Variants in GALNT7 observed in about 807,000 individuals in gnomAD.
GALNT7 encodes the protein polypeptide N-acetylgalactosaminyltransferase 7, also known as N-acetylgalactosaminyltransferase 7.
In GALNT7, 60 loss-of-function variants were observed where a neutral mutation model predicts 82.1. That is an observed-to-expected ratio of 0.73 (90% CI 0.59 to 0.91). The LOEUF is 0.91. Among genes scored for constraint, GALNT7 ranks in the 40% least tolerant of loss-of-function variants. The probability of loss-of-function intolerance (pLI) is 0.00; values close to 1 mark genes in which losing one functional copy is unlikely to be tolerated. For missense variants in GALNT7, 660 were observed against 804.2 expected (o/e 0.82, Z 2.17); for synonymous variants, 243 against 275.1 (o/e 0.88, Z 1.15).
intron 1 of GALNT7, among the ~76,000 whole-genome samples, chr4:173,205,860 G>A (rs1281555408): frequency 6.6e-6 from 1 of 152,008 alleles, no homozygotes; most frequent in African/African-American, 2.4e-5. Flanking sequence ...TTGGTAGCTT[G>A]GGTGGGCATG....
intron 1 of GALNT7, among the ~76,000 whole-genome samples, chr4:173,206,817 T>C (rs1733114346): frequency 6.6e-6 from 1 of 152,160 alleles, no homozygotes. Flanking sequence ...AAAGTATTTT[T>C]CCCACTGGAG....
chr4:173,273,732 C>T (rs1735807019), intron 2 of GALNT7, among the ~76,000 whole-genome samples: 2 of 152,176 alleles, frequency 1.3e-5, no homozygotes, highest in African/African-American at 4.8e-5. Context: ...TTGATTCCTC[C>T]TTCTTTTTCC....
intron 1 of GALNT7, among the ~76,000 whole-genome samples, chr4:173,170,418 G>A (rs1462125038): frequency 2.6e-5 from 4 of 152,218 alleles, no homozygotes; most frequent in African/African-American, 4.8e-5. Context: ...ATCCTAGGAG[G>A]AGATCCCATT....
At chr4:173,298,417 C>T in intron 6 of GALNT7, 120 bp downstream of exon 6, 1 of 674,462 alleles carries the variant, frequency 1.5e-6, no homozygotes. Flanking sequence ...TCTGAAAGAA[C>T]ATCTTTCCTT....
intron 1 of GALNT7, among the ~76,000 whole-genome samples, chr4:173,225,506 T>G (rs1384380160): frequency 6.6e-6 from 1 of 152,206 alleles, no homozygotes; most frequent in East Asian, 1.9e-4. Flanking sequence ...TAAAACAGGA[T>G]TTAAAACATT....
At chr4:173,185,666 G>C (rs905496090) in intron 1 of GALNT7, among the ~76,000 whole-genome samples, 2 of 152,152 alleles carry the variant, frequency 1.3e-5, no homozygotes, top group Non-Finnish European at 2.9e-5. Flanking sequence ...ACTCTGTATT[G>C]TAACAAGTTA....
At chr4:173,199,331 C>T (rs1732872906) in intron 1 of GALNT7, among the ~76,000 whole-genome samples, 1 of 152,108 alleles carries the variant, frequency 6.6e-6, no homozygotes, top group African/African-American at 2.4e-5. Flanking sequence ...TACTTGATAA[C>T]CTTGGGCAAG....
At chr4:173,271,582 G>A (rs933408818) in intron 2 of GALNT7, among the ~76,000 whole-genome samples, 1 of 151,976 alleles carries the variant, frequency 6.6e-6, no homozygotes, top group African/African-American at 2.4e-5. Context: ...TCAGACTCCC[G>A]AGTAGGTGGG....
In GALNT7 at chr4:173,218,458, C is replaced by G. The variant is rs889067665; in HGVS notation, c.127-29522C>G. Among the ~76,000 whole-genome samples the G allele has an allele frequency of 2.3e-3, 206 of 89,624 alleles. 4 individuals are homozygous for G. The highest frequency in any genetic ancestry group is 3.9e-4 in the Non-Finnish European group (13 of 33,066). 58.8% of individuals were successfully genotyped at this position (89,624 alleles called of 152,430 possible). On this transcript the variant is annotated intron_variant, in intron 1 of 11. Transcript: ENST00000265000. The stretch of plus-strand genomic sequence containing the variant: ...GTATTGCCCTTACCTAAAATTCTCC[C>G]TCAATATTTTGTTTCCTTTGCTTTG...
At chr4:173,209,069 G>T (rs544599020) in intron 1 of GALNT7, among the ~76,000 whole-genome samples, 7 of 152,302 alleles carry the variant, frequency 4.6e-5, no homozygotes, top group Admixed American at 6.5e-5. Flanking sequence ...AAGTTTTGAA[G>T]TACTGAATTC....
intron 1 of GALNT7, among the ~76,000 whole-genome samples, chr4:173,221,234 G>T (rs1733634554): frequency 1.3e-5 from 2 of 152,006 alleles, no homozygotes; most frequent in South Asian, 4.1e-4. Flanking sequence ...GTTTTGATTT[G>T]CATTTCTCTG....
rs1268784155 is a variant in GALNT7, at chr4:173,292,285, T to C, written c.754+11T>C. 6.1e-6 allele frequency: 9 copies of C among 1,487,382 alleles called. No individual in the cohort carries two copies. Among genetic ancestry groups the C allele is most frequent in the Non-Finnish European group, 8.2e-6 (9 of 1,094,350 alleles). 92.1% of individuals were successfully genotyped at this position (1,487,382 alleles called of 1,614,324 possible). On this transcript the variant is annotated intron_variant, in intron 3 of 11. Transcript: ENST00000265000. This position sits in a 1 kb window ranked among gnomAD's most constrained non-coding sequence, Gnocchi z 4.8. Reference sequence around the variant, plus strand: ...ATTTCAGTAATAAAGGTAATGGCTGTGAAACTCACATTTTGTCTATAAAAT... The same window carrying C: ...ATTTCAGTAATAAAGGTAATGGCTGCGAAACTCACATTTTGTCTATAAAAT...
At chr4:173,184,849 C>A (rs1305109847) in intron 1 of GALNT7, among the ~76,000 whole-genome samples, 2 of 152,150 alleles carry the variant, frequency 1.3e-5, no homozygotes, top group Non-Finnish European at 2.9e-5. Context: ...CCCATTACTT[C>A]TTGTCAGCTG....
chr4:173,298,469 G>A (rs1736802832), intron 6 of GALNT7, 172 bp downstream of exon 6: 2 of 543,120 alleles, frequency 3.7e-6, no homozygotes, highest in African/African-American at 3.9e-5. Flanking sequence ...TTGCTCCATT[G>A]TAATTGCTTT....
intron 1 of GALNT7, among the ~76,000 whole-genome samples, chr4:173,204,520 C>T (rs779589477): frequency 2.0e-5 from 3 of 152,034 alleles, no homozygotes; most frequent in Non-Finnish European, 4.4e-5. Flanking sequence ...TTTCTTTTTT[C>T]TCCTCTGTAT....
chr4:173,193,632 A>C (rs949993845), intron 1 of GALNT7, among the ~76,000 whole-genome samples: 2 of 152,190 alleles, frequency 1.3e-5, no homozygotes, highest in Non-Finnish European at 2.9e-5. Flanking sequence ...ACTGTGATAT[A>C]TAGTATGAAA....
At chr4:173,224,904 A>G (rs1362138109) in intron 1 of GALNT7, among the ~76,000 whole-genome samples, 2 of 151,584 alleles carry the variant, frequency 1.3e-5, no homozygotes, top group East Asian at 3.9e-4. Flanking sequence ...AGTCCCAGCT[A>G]CTCGGGAGGC....
intron 2 of GALNT7, among the ~76,000 whole-genome samples, chr4:173,268,751 G>A (rs780967675): frequency 1.6e-4 from 24 of 151,062 alleles, no homozygotes; most frequent in African/African-American, 2.9e-4. Flanking sequence ...GTGTTAGCCA[G>A]GATGGTCTCA....
At chr4:173,169,960 A>C (rs1434832360) in intron 1 of GALNT7, among the ~76,000 whole-genome samples, 2 of 152,158 alleles carry the variant, frequency 1.3e-5, no homozygotes, top group East Asian at 3.9e-4. Flanking sequence ...TCTGCCGCCC[A>C]GGGCGCGAGT....
Sources: allele counts gnomAD v4.1 joint callset (sites outside exome capture counted in the v4.1 genomes callset), GRCh38; gene constraint gnomAD v4.1.1; non-coding constraint Gnocchi (gnomAD v3.1); transcripts MANE v1.5; gene names NCBI Gene and HGNC (gene_info 2026-07-23, HGNC 2026-07-21).